The following ZNF724 variants were observed in gnomAD, a reference collection of about 807,000 sequenced individuals.
ZNF724 encodes the protein zinc finger protein 724 pseudogene.
A neutral mutation model predicts 29.3 loss-of-function variants in ZNF724; 14 were observed. That is an observed-to-expected ratio of 0.48 (90% CI 0.32 to 0.75). ZNF724 has a LOEUF of 0.75. Ranked by LOEUF, ZNF724 falls within the 30% of genes least tolerant of loss-of-function variation. The pLI is 0.04. For synonymous variants in ZNF724, 180 were observed against 193.6 expected, an observed-to-expected ratio of 0.93 and a Z score of 0.58; for missense variants, 557 against 571.2, an observed-to-expected ratio of 0.98 and a Z score of 0.25.
intron 3 of ZNF724, among the ~76,000 whole-genome samples, chr19:23,226,090 C>T (rs985117262): frequency 1.0e-4 from 15 of 146,902 alleles, no homozygotes; most frequent in Non-Finnish European, 1.9e-4. Flanking sequence ...CTCGCTCTGT[C>T]CCCCAGGCTG....
rs1972058357 is a variant in ZNF724 at position 23,238,357 on chromosome 19, T to TTAAAAAA, written c.4-6065_4-6064insTTTTTTA. Among the ~76,000 whole-genome samples the TTAAAAAA allele has an allele frequency of 2.0e-5, 3 of 151,398 alleles. No homozygotes were observed. In the East Asian group the frequency reaches 5.9e-4, roughly 30 times the overall value. ...TCCAGCCTGGAAGCGAGACTCCACC[T>TTAAAAAA]CAAAAAACAAAAAACAAAAAAACCT... On this transcript the variant is annotated intron_variant, in intron 1 of 3. Transcript: ENST00000418100.
chr19:23,225,997 G>A (rs143029132), intron 3 of ZNF724, among the ~76,000 whole-genome samples: 29 of 150,700 alleles, frequency 1.9e-4, no homozygotes, highest in Admixed American at 1.8e-3. Context: ...GACCACAGGC[G>A]CACCCCACCC....
intron 1 of ZNF724, among the ~76,000 whole-genome samples, chr19:23,242,150 T>C (rs1025095848): frequency 1.3e-5 from 2 of 152,128 alleles, no homozygotes; most frequent in African/African-American, 4.8e-5. Context: ...ATAAGGTATC[T>C]AGGAATACAG....
intron 1 of ZNF724, 112 bp downstream of exon 1, chr19:23,250,128 G>C (rs2145801372): frequency 1.8e-6 from 1 of 549,270 alleles, no homozygotes; most frequent in East Asian, 4.9e-5. Context: ...GAGAACTCAG[G>C]GCGCAGTTTG....
At chr19:23,240,270 C>T (rs932230126) in intron 1 of ZNF724, among the ~76,000 whole-genome samples, 1 of 115,714 alleles carries the variant, frequency 8.6e-6, no homozygotes, top group Non-Finnish European at 1.7e-5. Context: ...GGCAACAGAG[C>T]GAGACTCTGT....
At chr19:23,248,867 C>T (rs1041072656) in intron 1 of ZNF724, among the ~76,000 whole-genome samples, 1 of 151,796 alleles carries the variant, frequency 6.6e-6, no homozygotes, top group Non-Finnish European at 1.5e-5. Context: ...TGGTGGTGGG[C>T]GCCTGTAATT....
intron 1 of ZNF724, among the ~76,000 whole-genome samples, chr19:23,238,730 G>A (rs113890880): frequency 0.028 from 4,266 of 152,222 alleles, 178 homozygotes; most frequent in African/African-American, 0.096. Context: ...CCATCATGGC[G>A]AAACCCTGTC....
Position 23,222,251 on chromosome 19 carries a change from T to C in ZNF724, c.*134A>G. ...AACTGCACTGTTATATCTTTCAGGT[T>C]TGTACGGTTTCTCTCCAGTAATTCT... On this transcript the variant is annotated 3_prime_UTR_variant, in exon 4 of 4. Coordinates refer to ENST00000418100, the MANE Select transcript of ZNF724 (RefSeq NM_001355404.2). The C allele has an allele frequency of 3.3e-6, 2 of 606,834 alleles. No individual in the cohort carries two copies. The highest frequency in any genetic ancestry group is 2.9e-6 in the Non-Finnish European group (1 of 344,010). 37.6% of individuals were successfully genotyped at this position (606,834 alleles called of 1,614,324 possible). A position where few individuals can be genotyped will look rare whatever the true frequency, so the allele number is the denominator to read the frequency against.
intron 3 of ZNF724, among the ~76,000 whole-genome samples, chr19:23,228,686 G>A (rs1971882424): frequency 1.3e-5 from 2 of 151,928 alleles, no homozygotes; most frequent in Admixed American, 1.3e-4. Flanking sequence ...GATCACCTGA[G>A]GTCAGGAGTT....
chr19:23,225,448 C>G (rs906616324), intron 3 of ZNF724, among the ~76,000 whole-genome samples: 14 of 151,792 alleles, frequency 9.2e-5, no homozygotes, highest in Non-Finnish European at 1.9e-4. Context: ...CTATAGGATA[C>G]AAAAAAATTT....
intron 3 of ZNF724, among the ~76,000 whole-genome samples, chr19:23,227,571 C>CA (rs372023948): frequency 0.4 from 46,732 of 115,854 alleles, 9,420 homozygotes; most frequent in East Asian, 0.52. Flanking sequence ...AAAAAAAAAA[C>CA]AAAAAAAAAC....
At chr19:23,248,168 T>C (rs1972276080) in intron 1 of ZNF724, among the ~76,000 whole-genome samples, 1 of 152,216 alleles carries the variant, frequency 6.6e-6, no homozygotes, top group East Asian at 1.9e-4. Context: ...ACTCTTTGCT[T>C]TCTTCTCATG....
At chr19:23,249,914 C>T (rs1048972455) in intron 1 of ZNF724, among the ~76,000 whole-genome samples, 2 of 152,180 alleles carry the variant, frequency 1.3e-5, no homozygotes, top group East Asian at 3.9e-4. Flanking sequence ...ACCCGCTCCC[C>T]GAGTCAGGAT....
rs904652763 is a variant in ZNF724 at position 23,223,711 on chromosome 19, T to C, written c.534A>G (p.Ser178=). The change falls in exon 4 of 4, where the codon TCA becomes TCG. Residue 178 remains serine, a synonymous_variant. Transcript: ENST00000418100. ...NPFKCKECGK[S]FCVLSHLTQH... is the part of the protein sequence containing the mutation. ...GAGTTAGGTGTGAAAGAACACAAAA[T>C]GACTTGCCACATTCTTTACATTTGA... 2 of 720,546 alleles carry C rather than the reference T, an allele frequency of 2.8e-6. No homozygotes were observed. Among genetic ancestry groups the C allele is most frequent in the Admixed American group, 4.0e-5 (2 of 50,170 alleles). The allele number at this position is 720,546 out of a possible 1,614,324, so 44.6% of individuals were successfully genotyped here.
At chr19:23,225,185 T>C (rs1002032785) in intron 3 of ZNF724, among the ~76,000 whole-genome samples, 2 of 152,200 alleles carry the variant, frequency 1.3e-5, no homozygotes, top group African/African-American at 4.8e-5. Flanking sequence ...AAGAGATATG[T>C]AAACATCTAT....
intron 1 of ZNF724, among the ~76,000 whole-genome samples, chr19:23,244,900 T>C (rs1380898827): frequency 6.6e-6 from 1 of 152,200 alleles, no homozygotes; most frequent in Non-Finnish European, 1.5e-5. Flanking sequence ...AGAAAAACAC[T>C]GTAGTTATGT....
At chr19:23,243,161 T>C (rs901272876) in intron 1 of ZNF724, among the ~76,000 whole-genome samples, 5 of 151,218 alleles carry the variant, frequency 3.3e-5, no homozygotes, top group African/African-American at 4.9e-5. Context: ...ATGGATGAAA[T>C]TGAAGCCCAT....
At chr19:23,249,028 AG>A (rs1972297859) in intron 1 of ZNF724, among the ~76,000 whole-genome samples, 3 of 151,838 alleles carry the variant, frequency 2.0e-5, no homozygotes, top group African/African-American at 4.8e-5. Flanking sequence ...ACTAAGAAGA[AG>A]AAAAGAGGAG....
chr19:23,222,592 T>C lies in ZNF724; in HGVS notation c.1653A>G (p.Gln551=). 7.2e-7 allele frequency: 1 copy of C among 1,381,174 alleles called. No homozygotes were observed. The highest frequency in any genetic ancestry group is 1.0e-6 in the Non-Finnish European group (1 of 969,688). 85.6% of individuals were successfully genotyped at this position (1,381,174 alleles called of 1,614,324 possible). A position where few individuals can be genotyped will look rare whatever the true frequency, so the allele number is the denominator to read the frequency against. ...KAFYQYSNLT[Q]HKIIHTGEKP... ...TCTCTCCAGTATGAATTATCTTATGTTGAGTAAGGTTTGAGTATTGGTAAA... is the reference window on the plus strand; with the variant it reads ...TCTCTCCAGTATGAATTATCTTATGCTGAGTAAGGTTTGAGTATTGGTAAA... The change falls in exon 4 of 4, where the codon CAA becomes CAG. Residue 551 remains glutamine, a synonymous_variant. Coordinates refer to ENST00000418100, the MANE Select transcript of ZNF724 (RefSeq NM_001355404.2).
Sources: gnomAD v4.1 joint callset for allele counts (sites outside exome capture counted in the v4.1 genomes callset) on GRCh38, gnomAD v4.1.1 for gene constraint, MANE v1.5 for transcripts, NCBI Gene and HGNC (gene_info 2026-07-23, HGNC 2026-07-21) for gene names.